Variants in TSPAN5 observed in about 807,000 individuals in gnomAD.
The protein encoded by TSPAN5 is tetraspanin 5, also known as tetraspanin-5.
A neutral mutation model predicts 37.1 loss-of-function variants in TSPAN5; 10 were observed. The observed-to-expected ratio is 0.27, with a 90% CI of 0.17 to 0.46. The LOEUF is 0.46. Ranked by LOEUF, TSPAN5 falls within the 20% of genes least tolerant of loss-of-function variation. TSPAN5 has a pLI of 1.00. For missense variants in TSPAN5, 195 were observed against 326.6 expected (o/e 0.60, Z 3.11); for synonymous variants, 110 against 118.9 (o/e 0.93, Z 0.48).
intron 1 of TSPAN5, among the ~76,000 whole-genome samples, chr4:98,639,824 TG>T (rs1756926649): frequency 6.6e-6 from 1 of 152,228 alleles, no homozygotes; most frequent in African/African-American, 2.4e-5. Flanking sequence ...GGACAGAAGC[TG>T]GTTTCAATCT....
At chr4:98,519,857 C>T (rs7676155) in intron 1 of TSPAN5, among the ~76,000 whole-genome samples, 30,965 of 152,134 alleles carry the variant, frequency 0.2, 3,295 homozygotes, top group South Asian at 0.23. Context: ...TGTGTGACCT[C>T]AGACAAGTAA....
intron 1 of TSPAN5, among the ~76,000 whole-genome samples, chr4:98,598,419 T>C (rs138266833): frequency 0.034 from 5,083 of 150,986 alleles, 144 homozygotes; most frequent in East Asian, 0.099. Flanking sequence ...CGCTGGGAGC[T>C]GTAGACCGGA....
chr4:98,537,942 C>A (rs1754274477), intron 1 of TSPAN5, among the ~76,000 whole-genome samples: 1 of 152,228 alleles, frequency 6.6e-6, no homozygotes, highest in South Asian at 2.1e-4. Flanking sequence ...CTAGGCTGGA[C>A]ACATTCCAGC....
At chr4:98,551,473 GT>G (rs1754613350) in intron 1 of TSPAN5, among the ~76,000 whole-genome samples, 1 of 141,518 alleles carries the variant, frequency 7.1e-6, no homozygotes, top group Admixed American at 7.5e-5. Context: ...TCTTTGTATG[GT>G]TTTTTCCTTT....
chr4:98,483,402 T>G (rs1241787914), intron 3 of TSPAN5: 1 of 152,228 alleles, frequency 6.6e-6, no homozygotes, highest in African/African-American at 2.4e-5. Context: ...ACAATGTTTA[T>G]TCATTCAGCA....
At chr4:98,585,255 C>A (rs1468045808) in intron 1 of TSPAN5, among the ~76,000 whole-genome samples, 3 of 152,156 alleles carry the variant, frequency 2.0e-5, no homozygotes, top group Non-Finnish European at 4.4e-5. Flanking sequence ...AACAAACAAG[C>A]AATACTTCAA....
At chr4:98,486,669 A>T in intron 3 of TSPAN5, 69 bp downstream of exon 3, 1 of 1,581,878 alleles carries the variant, frequency 6.3e-7, no homozygotes, top group South Asian at 1.1e-5. Flanking sequence ...TTGCCTGTAG[A>T]TAGGGTGACC....
At chr4:98,525,240 C>T (rs1421162079) in intron 1 of TSPAN5, among the ~76,000 whole-genome samples, 3 of 152,178 alleles carry the variant, frequency 2.0e-5, no homozygotes, top group Admixed American at 1.3e-4. Context: ...AGCAGGTCTT[C>T]GAGAAATGTC....
At chr4:98,524,921 T>C (rs984637487) in intron 1 of TSPAN5, among the ~76,000 whole-genome samples, 3 of 152,232 alleles carry the variant, frequency 2.0e-5, no homozygotes, top group Non-Finnish European at 4.4e-5. Flanking sequence ...GTTTTTTATC[T>C]ATAATTTCCT....
At chr4:98,579,222 C>T (rs1755314796) in intron 1 of TSPAN5, among the ~76,000 whole-genome samples, 1 of 152,192 alleles carries the variant, frequency 6.6e-6, no homozygotes. Flanking sequence ...CTCAGCTTCA[C>T]TTCAGCATCT....
At chr4:98,533,942 A>G (rs1444826616) in intron 1 of TSPAN5, among the ~76,000 whole-genome samples, 4 of 137,854 alleles carry the variant, frequency 2.9e-5, no homozygotes, top group African/African-American at 8.2e-5. Flanking sequence ...TTGATCTTAA[A>G]AAAAAAAAAA....
chr4:98,549,464 G>T (rs912185052), intron 1 of TSPAN5, among the ~76,000 whole-genome samples: 1 of 151,780 alleles, frequency 6.6e-6, no homozygotes, highest in African/African-American at 2.4e-5. Context: ...CGCCCAGCTA[G>T]TGTTTTTTGT....
Position 98,470,758 on chromosome 4 carries a change from G to C in TSPAN5, c.*1764C>G, listed in dbSNP as rs1420438109. 6.6e-6 allele frequency: 1 copy of C among 152,236 alleles called. No individual in the cohort carries two copies. The highest frequency in any genetic ancestry group is 1.9e-4 in the East Asian group (1 of 5,200). The allele number at this position is 152,236 out of a possible 1,614,324, so 9.4% of individuals were successfully genotyped here. Reference sequence around the variant, plus strand: ...AGAGCCATACACACACCCAAACAGTGAACACAGTTTTGAAAATAATTTCCT... The same window carrying C: ...AGAGCCATACACACACCCAAACAGTCAACACAGTTTTGAAAATAATTTCCT... On this transcript the variant is annotated 3_prime_UTR_variant, in exon 8 of 8. Coordinates refer to ENST00000305798, the MANE Select transcript of TSPAN5 (RefSeq NM_005723.4).
At chr4:98,488,337 G>A (rs960655863) in intron 2 of TSPAN5, among the ~76,000 whole-genome samples, 38 of 152,094 alleles carry the variant, frequency 2.5e-4, no homozygotes, top group African/African-American at 7.7e-4. Flanking sequence ...AGCGTATTTC[G>A]TTTGTTCTAT....
At chr4:98,508,088 A>G (rs1753517902) in intron 1 of TSPAN5, among the ~76,000 whole-genome samples, 1 of 152,208 alleles carries the variant, frequency 6.6e-6, no homozygotes, top group Admixed American at 6.5e-5. Context: ...GAAAATGGAT[A>G]AGCAGAGGCA....
At position 98,472,685 on chromosome 4, in the gene TSPAN5, T is replaced by A. The variant is rs934156671; in HGVS notation, c.742-98A>T. The A allele has an allele frequency of 1.7e-5, 17 of 1,023,288 alleles. No individual in the cohort carries two copies. In the African/African-American group the frequency reaches 2.1e-4, roughly 13 times the overall value. 63.4% of individuals were successfully genotyped at this position (1,023,288 alleles called of 1,614,324 possible). ...TTTTAAATCATTGATTTTTGAAATT[T>A]AAGATGTAATTCATATGTGGTAAAA... On this transcript the variant is annotated intron_variant, in intron 7 of 7. Transcript: ENST00000305798.
At chr4:98,621,955 T>C (rs893396688) in intron 1 of TSPAN5, among the ~76,000 whole-genome samples, 4 of 152,202 alleles carry the variant, frequency 2.6e-5, no homozygotes, top group African/African-American at 4.8e-5. Context: ...GCATGTATCA[T>C]TACTTCATTC....
intron 1 of TSPAN5, among the ~76,000 whole-genome samples, chr4:98,508,731 C>T (rs1753531921): frequency 6.6e-6 from 1 of 151,878 alleles, no homozygotes; most frequent in Non-Finnish European, 1.5e-5. Flanking sequence ...CACTATATTG[C>T]CCAGGCTAGT....
intron 2 of TSPAN5, among the ~76,000 whole-genome samples, chr4:98,502,286 C>T (rs964601556): frequency 2.0e-5 from 3 of 152,126 alleles, no homozygotes; most frequent in African/African-American, 7.2e-5. Context: ...ATTTGGAAGT[C>T]ATCAGTGACA....
Sources: allele counts gnomAD v4.1 joint callset (sites outside exome capture counted in the v4.1 genomes callset), GRCh38; gene constraint gnomAD v4.1.1; transcripts MANE v1.5; gene names NCBI Gene and HGNC (gene_info 2026-07-23, HGNC 2026-07-21).